The following LRRC8D variants were observed in gnomAD, a reference collection of about 807,000 sequenced individuals.
The protein encoded by LRRC8D is leucine rich repeat containing 8 VRAC subunit D, also known as volume-regulated anion channel subunit LRRC8D.
A neutral mutation model predicts 55.8 loss-of-function variants in LRRC8D; 20 were observed. The ratio of observed to expected loss-of-function variants is 0.36; its 90% confidence interval spans 0.25 to 0.52. LRRC8D has a LOEUF of 0.52. Among genes scored for constraint, LRRC8D ranks in the 20% least tolerant of loss-of-function variants. LRRC8D has a pLI of 0.93. For missense variants in LRRC8D, 651 were observed against 1,030.8 expected (o/e 0.63, Z 5.05); for synonymous variants, 352 against 377.0 (o/e 0.93, Z 0.77).
intron 1 of LRRC8D, among the ~76,000 whole-genome samples, chr1:89,824,730 T>A (rs571560961): frequency 2.0e-5 from 3 of 152,358 alleles, no homozygotes; most frequent in African/African-American, 7.2e-5. Flanking sequence ...CACAGTCTTT[T>A]ATTGGGATGT....
intron 2 of LRRC8D, among the ~76,000 whole-genome samples, chr1:89,931,367 A>G (rs1046319159): frequency 6.6e-6 from 1 of 152,080 alleles, no homozygotes; most frequent in Non-Finnish European, 1.5e-5. Context: ...TCATCCAAGG[A>G]AGACACAAGT....
In LRRC8D at chr1:89,933,668, A is replaced by G; in HGVS notation, c.600A>G (p.Leu200=). The change falls in exon 3 of 3, where the codon TTA becomes TTG. Residue 200 remains leucine, a synonymous_variant. Coordinates refer to ENST00000337338, the MANE Select transcript of LRRC8D (RefSeq NM_001134479.2). This position sits in a 1 kb window ranked among gnomAD's most constrained non-coding sequence, Gnocchi z 7.0. ...CSKVEHFVSI[L]GKCFESPWTT... ...AAGTAGAACATTTTGTTTCAATATTAGGAAAGTGCTTTGAATCCCCTTGGA... is the reference window on the plus strand; with the variant it reads ...AAGTAGAACATTTTGTTTCAATATTGGGAAAGTGCTTTGAATCCCCTTGGA... 1.2e-6 allele frequency: 2 copies of G among 1,614,198 alleles called. No homozygotes were observed. Among genetic ancestry groups the G allele is most frequent in the South Asian group, 2.2e-5 (2 of 91,080 alleles).
At position 89,858,627 on chromosome 1, in the gene LRRC8D, G is replaced by A. The variant is rs188837871; in HGVS notation, c.-3+14845G>A. ...TTCAAGAAAGTTATAAGTTTTGTAA[G>A]TATAATTTTAGTAAATAAAATTTTG... On this transcript the variant is annotated intron_variant, in intron 2 of 2. Transcript: ENST00000337338. 1.4e-3 allele frequency among the ~76,000 whole-genome samples: 218 copies of A among 151,920 alleles called. 1 individual carries two copies. Among genetic ancestry groups the A allele is most frequent in the African/African-American group, 5.0e-3 (206 of 41,466 alleles).
chr1:89,825,594 T>C (rs1482327329), intron 1 of LRRC8D, among the ~76,000 whole-genome samples: 1 of 152,192 alleles, frequency 6.6e-6, no homozygotes, highest in Non-Finnish European at 1.5e-5. Context: ...ATGCCTCAAA[T>C]ATTTAGTGAC....
intron 1 of LRRC8D, among the ~76,000 whole-genome samples, chr1:89,824,560 T>C (rs1570796502): frequency 1.3e-5 from 2 of 152,334 alleles, no homozygotes; most frequent in East Asian, 1.9e-4. Context: ...TTGGACTGTT[T>C]GTTGTATTTT....
At chr1:89,854,500 A>G (rs1304203257) in intron 2 of LRRC8D, among the ~76,000 whole-genome samples, 2 of 152,218 alleles carry the variant, frequency 1.3e-5, no homozygotes, top group African/African-American at 4.8e-5. Flanking sequence ...AAGATTGGAC[A>G]GGAGGAGAGA....
chr1:89,844,438 G>T (rs1661222273), intron 2 of LRRC8D, among the ~76,000 whole-genome samples: 1 of 152,196 alleles, frequency 6.6e-6, no homozygotes, highest in Non-Finnish European at 1.5e-5. Context: ...AGGCACAGCA[G>T]CGAGTTCTGA....
At chr1:89,826,755 A>G (rs1431687778) in intron 1 of LRRC8D, among the ~76,000 whole-genome samples, 2 of 152,192 alleles carry the variant, frequency 1.3e-5, no homozygotes, top group Non-Finnish European at 2.9e-5. Context: ...TTGATCTAAA[A>G]GAAGGAACAC....
chr1:89,860,937 A>G (rs1319564555), intron 2 of LRRC8D, among the ~76,000 whole-genome samples: 1 of 151,458 alleles, frequency 6.6e-6, no homozygotes, highest in Non-Finnish European at 1.5e-5. Flanking sequence ...TGCAGATCTG[A>G]TTATCTTCTG....
chr1:89,866,101 T>G (rs1048668633), intron 2 of LRRC8D, among the ~76,000 whole-genome samples: 3 of 152,264 alleles, frequency 2.0e-5, no homozygotes, highest in African/African-American at 7.2e-5. Context: ...TGACCTTCCC[T>G]TGGTGTGTTT....
At chr1:89,931,003 A>ATTT (rs56714673) in intron 2 of LRRC8D, among the ~76,000 whole-genome samples, 80 of 120,896 alleles carry the variant, frequency 6.6e-4, no homozygotes, top group African/African-American at 2.1e-3. Flanking sequence ...TTCCTTGGTA[A>ATTT]TTTTTTTTTT....
chr1:89,920,436 A>G (rs374750325), intron 2 of LRRC8D, among the ~76,000 whole-genome samples: 2 of 152,142 alleles, frequency 1.3e-5, no homozygotes, highest in East Asian at 1.9e-4. Flanking sequence ...TAAGTTTTAT[A>G]TAAGGAGTGT....
At chr1:89,892,143 A>G (rs1236977864) in intron 2 of LRRC8D, among the ~76,000 whole-genome samples, 1 of 152,238 alleles carries the variant, frequency 6.6e-6, no homozygotes, top group Non-Finnish European at 1.5e-5. Flanking sequence ...TGTTTGCCCC[A>G]TATGAAGCTC....
intron 1 of LRRC8D, among the ~76,000 whole-genome samples, chr1:89,840,868 T>C (rs1420008716): frequency 6.6e-6 from 1 of 152,034 alleles, no homozygotes; most frequent in Non-Finnish European, 1.5e-5. Flanking sequence ...GAGGTTTTCC[T>C]TGGGCTCTTA....
rs1437410751 is a variant in LRRC8D at position 89,911,495 on chromosome 1, C to G, written c.-2-21572C>G. ...TTGACTTTATGTTCAAAATAAGAAA[C>G]AAGTAGCCGTAAGAAAAACATCTTG... On this transcript the variant is annotated intron_variant, in intron 2 of 2. Transcript: ENST00000337338. The surrounding 1 kb of genome is among the most constrained non-coding windows in gnomAD (Gnocchi z 4.0). 1.3e-5 allele frequency among the ~76,000 whole-genome samples: 2 copies of G among 152,094 alleles called. No individual in the cohort carries two copies. The highest frequency in any genetic ancestry group is 2.9e-5 in the Non-Finnish European group (2 of 68,008).
At chr1:89,851,976 G>A (rs1429723684) in intron 2 of LRRC8D, among the ~76,000 whole-genome samples, 1 of 150,450 alleles carries the variant, frequency 6.6e-6, no homozygotes, top group African/African-American at 2.4e-5. Flanking sequence ...ATAGTTATAG[G>A]ATTACGTAGA....
chr1:89,825,404 C>T (rs1045066163), intron 1 of LRRC8D, among the ~76,000 whole-genome samples: 1 of 152,126 alleles, frequency 6.6e-6, no homozygotes, highest in Non-Finnish European at 1.5e-5. Context: ...GAATTCCTTC[C>T]TCTGGGTCTT....
intron 2 of LRRC8D, among the ~76,000 whole-genome samples, chr1:89,892,849 G>C (rs907549207): frequency 2.0e-5 from 3 of 152,118 alleles, no homozygotes; most frequent in Admixed American, 6.6e-5. Context: ...AAATTCACAA[G>C]GTTATTATAT....
At chr1:89,827,148 C>T (rs928405692) in intron 1 of LRRC8D, among the ~76,000 whole-genome samples, 1 of 151,920 alleles carries the variant, frequency 6.6e-6, no homozygotes, top group Non-Finnish European at 1.5e-5. Context: ...GTCAGGAATT[C>T]GAGACCAGCC....
Sources: allele counts gnomAD v4.1 joint callset (sites outside exome capture counted in the v4.1 genomes callset), GRCh38; gene constraint gnomAD v4.1.1; non-coding constraint Gnocchi (gnomAD v3.1); transcripts MANE v1.5; gene names NCBI Gene and HGNC (gene_info 2026-07-23, HGNC 2026-07-21).